Variants in CSMD3 observed in about 807,000 individuals in gnomAD.
CSMD3 encodes the protein CUB and Sushi multiple domains 3, also known as CUB and sushi domain-containing protein 3.
A neutral mutation model predicts 435.2 loss-of-function variants in CSMD3; 177 were observed. The ratio of observed to expected loss-of-function variants is 0.41; its 90% CI spans 0.36 to 0.46. CSMD3 has a LOEUF of 0.46. CSMD3 is among the 20% of genes least tolerant of loss of function. The probability of loss-of-function intolerance (pLI) is 0.34; values close to 1 mark genes in which losing one functional copy is unlikely to be tolerated. For missense variants in CSMD3, 4,265 were observed against 4,504.6 expected, an observed-to-expected ratio of 0.95 and a Z score of 1.52; for synonymous variants, 1,656 against 1,520.5, an observed-to-expected ratio of 1.09 and a Z score of -2.07.
intron 3 of CSMD3, among the ~76,000 whole-genome samples, chr8:113,215,855 G>A (rs1177976009): frequency 6.6e-6 from 1 of 151,330 alleles, no homozygotes; most frequent in African/African-American, 2.4e-5. Flanking sequence ...AAAATTCACT[G>A]TACTTGAAAC....
chr8:113,359,364 T>G (rs1255965484), intron 1 of CSMD3, among the ~76,000 whole-genome samples: 1 of 152,136 alleles, frequency 6.6e-6, no homozygotes, highest in East Asian at 1.9e-4. Flanking sequence ...CATAGGCAAG[T>G]AGGTGGGTGG....
chr8:112,287,397 T>C (rs925495191), intron 57 of CSMD3, 151 bp from the exon 58 acceptor site: 3 of 717,556 alleles, frequency 4.2e-6, no homozygotes, highest in African/African-American at 1.8e-5. Context: ...CTTATCTGAC[T>C]CCAGTCATTA....
At chr8:112,983,891 C>A (rs1381853048) in intron 6 of CSMD3, among the ~76,000 whole-genome samples, 1 of 151,954 alleles carries the variant, frequency 6.6e-6, no homozygotes, top group Admixed American at 6.6e-5. Context: ...TGAGAAGCTG[C>A]ATAAATACGC....
chr8:112,255,830 C>T (rs113459997), intron 61 of CSMD3: 6,660 of 217,812 alleles, frequency 0.031, 143 homozygotes, highest in Middle Eastern at 0.072. Flanking sequence ...CCAGGCTGCA[C>T]GCTACAGATT....
chr8:113,169,072 A>G (rs1204514948), intron 4 of CSMD3, among the ~76,000 whole-genome samples: 1 of 152,134 alleles, frequency 6.6e-6, no homozygotes. Flanking sequence ...TTTATTGCTC[A>G]GCCCAATTCC....
chr8:112,725,301 G>A (rs1442969476), intron 13 of CSMD3, among the ~76,000 whole-genome samples: 5 of 151,914 alleles, frequency 3.3e-5, no homozygotes, highest in Admixed American at 1.3e-4. Context: ...TAGTGTGCTA[G>A]TGGAAAGGAG....
At chr8:112,951,591 A>G (rs905024259) in intron 8 of CSMD3, among the ~76,000 whole-genome samples, 2 of 151,798 alleles carry the variant, frequency 1.3e-5, no homozygotes, top group African/African-American at 4.8e-5. Context: ...TGTTTTTTAT[A>G]CTAAAACCCT....
intron 3 of CSMD3, among the ~76,000 whole-genome samples, chr8:113,183,910 A>C (rs746294617): frequency 7.2e-5 from 11 of 152,016 alleles, no homozygotes; most frequent in Admixed American, 2.0e-4. Context: ...CAATTTTTGC[A>C]GTGGACAACA....
intron 9 of CSMD3, among the ~76,000 whole-genome samples, chr8:112,925,375 G>A (rs755643273): frequency 2.0e-5 from 3 of 151,752 alleles, no homozygotes; most frequent in Non-Finnish European, 2.9e-5. Context: ...TGGCTAACAC[G>A]GTGAGACCCC....
intron 10 of CSMD3, among the ~76,000 whole-genome samples, chr8:112,916,976 A>G (rs757942574): frequency 5.3e-5 from 8 of 151,918 alleles, no homozygotes; most frequent in Admixed American, 2.0e-4. Flanking sequence ...AATAAACATG[A>G]GTTAGTGAGG....
chr8:113,376,938 G>C, intron 1 of CSMD3: 1 of 1,571,042 alleles, frequency 6.4e-7, no homozygotes, highest in East Asian at 2.5e-5. Context: ...CGGATGACGT[G>C]CGGGTTCAGG....
chr8:112,903,458 A>AT (rs2130460690), intron 10 of CSMD3, among the ~76,000 whole-genome samples: 1 of 151,366 alleles, frequency 6.6e-6, no homozygotes, highest in East Asian at 2.0e-4. Context: ...TATTATTAGA[A>AT]TGGGACACAC....
rs117378992 is a variant in CSMD3, at chr8:113,424,519, G to T, written c.178+12158C>A. 4.5e-4 allele frequency among the ~76,000 whole-genome samples: 68 copies of T among 151,322 alleles called. No homozygotes were observed. In the East Asian group the frequency reaches 0.012, roughly 27 times the overall value. On this transcript the variant is annotated intron_variant, in intron 1 of 70. Coordinates refer to ENST00000297405, the MANE Select transcript of CSMD3 (RefSeq NM_198123.2). Reference sequence around the variant, plus strand: ...CTTTCATGTGAATCATGAAATAAGGGACAGAGATTTGAATTTAAATTGAAA... The same window carrying T: ...CTTTCATGTGAATCATGAAATAAGGTACAGAGATTTGAATTTAAATTGAAA...
chr8:113,039,695 A>T (rs117039924), intron 5 of CSMD3, among the ~76,000 whole-genome samples: 4,188 of 152,308 alleles, frequency 0.027, 82 homozygotes, highest in Non-Finnish European at 0.039. Flanking sequence ...GAAAGAAGGA[A>T]GAACAAAAAT....
intron 7 of CSMD3, among the ~76,000 whole-genome samples, chr8:112,959,744 T>G (rs188803530): frequency 6.6e-6 from 1 of 152,024 alleles, no homozygotes; most frequent in Non-Finnish European, 1.5e-5. Context: ...TGAAAATAAC[T>G]AACATGTCTC....
intron 45 of CSMD3, 28 bp from the exon 46 acceptor site, chr8:112,320,009 CT>C: frequency 6.9e-7 from 1 of 1,452,634 alleles, no homozygotes; most frequent in East Asian, 2.3e-5. Context: ...GTGTTTATTC[CT>C]TTTCTGTGCA....
chr8:112,550,647 A>C, intron 27 of CSMD3, 24 bp downstream of exon 27: 4 of 1,359,446 alleles, frequency 2.9e-6, no homozygotes, highest in Non-Finnish European at 4.2e-6. Flanking sequence ...TTTTGCATTG[A>C]AGAAATTTTT....
rs1812816358 is a variant in CSMD3 at position 112,228,832 on chromosome 8, AACT to A, written c.10885_10887del (p.Ser3630del). 1 of 1,590,988 alleles carries A rather than the reference AACT, an allele frequency of 6.3e-7. No homozygotes were observed. Among genetic ancestry groups the A allele is most frequent in the Non-Finnish European group, 8.6e-7 (1 of 1,159,644 alleles). On this transcript the variant is annotated inframe_deletion, in exon 70 of 71. Transcript: ENST00000297405. ...GGCACAAGAATAGCAATGGCTACAG[AACT>A]ACTATTTGTACCATGAGGTTGATTT...
At chr8:112,713,371 A>AATAC (rs993981108) in intron 13 of CSMD3, among the ~76,000 whole-genome samples, 1 of 151,420 alleles carries the variant, frequency 6.6e-6, no homozygotes, top group African/African-American at 2.4e-5. Flanking sequence ...TAAATAAATA[A>AATAC]ATAAATAAAT....
Sources: gnomAD v4.1 joint callset for allele counts (sites outside exome capture counted in the v4.1 genomes callset) on GRCh38, gnomAD v4.1.1 for gene constraint, MANE v1.5 for transcripts, NCBI Gene and HGNC (gene_info 2026-07-23, HGNC 2026-07-21) for gene names.